ARMH3: variants seen among roughly 807,000 people sequenced by gnomAD.
ARMH3 encodes armadillo-like helical domain-containing protein 3.
ARMH3 carries 60 observed loss-of-function variants against 99.1 expected under a neutral mutation model. The observed-to-expected ratio is 0.61, with a 90% confidence interval of 0.49 to 0.75. ARMH3 has a LOEUF of 0.75. ARMH3 is among the 30% of genes least tolerant of loss of function. The pLI is 0.00. For missense variants in ARMH3, 679 were observed against 843.1 expected (o/e 0.81, Z 2.41); for synonymous variants, 285 against 292.8 (o/e 0.97, Z 0.27).
intron 23 of ARMH3, among the ~76,000 whole-genome samples, chr10:101,903,413 G>T (rs1034141624): frequency 6.6e-6 from 1 of 152,136 alleles, no homozygotes; most frequent in Non-Finnish European, 1.5e-5. Context: ...AGACACACAC[G>T]ACAGACAGAT....
chr10:102,033,531 G>C, intron 2 of ARMH3, 192 bp from the exon 3 acceptor site: 1 of 548,178 alleles, frequency 1.8e-6, no homozygotes, highest in East Asian at 3.2e-5. Context: ...CCATTCCCCC[G>C]CCTCAGCCTC....
chr10:101,846,348 AG>A lies in ARMH3; in HGVS notation c.*1179del, dbSNP rs1177011631. ...TGGAGGGGAGCTCAGCAGAGGCAGGAGAGGCTGCCAGAGGAGGGGGGGCTAA... is the reference window on the plus strand; with the variant it reads ...TGGAGGGGAGCTCAGCAGAGGCAGGAAGGCTGCCAGAGGAGGGGGGGCTAA... On this transcript the variant is annotated 3_prime_UTR_variant, in exon 26 of 26. Transcript: ENST00000370033. 1 of 143,056 alleles carries A rather than the reference AG, an allele frequency of 7.0e-6. No homozygotes were observed. Among genetic ancestry groups the A allele is most frequent in the African/African-American group, 2.6e-5 (1 of 37,764 alleles). The allele number at this position is 143,056 out of a possible 1,614,324, so 8.9% of individuals were successfully genotyped here.
intron 1 of ARMH3, among the ~76,000 whole-genome samples, chr10:102,052,427 T>C (rs936757514): frequency 4.6e-5 from 7 of 152,166 alleles, no homozygotes; most frequent in African/African-American, 1.7e-4. Flanking sequence ...TTTTGCTATC[T>C]TGCCCAGGCT....
intron 20 of ARMH3, among the ~76,000 whole-genome samples, chr10:101,965,483 A>G (rs138211436): frequency 6.6e-6 from 1 of 152,212 alleles, no homozygotes; most frequent in Non-Finnish European, 1.5e-5. Flanking sequence ...CAATCTTCAA[A>G]ATAATCACCA....
At chr10:101,871,565 AGAG>A (rs893177563) in intron 24 of ARMH3, among the ~76,000 whole-genome samples, 1 of 152,208 alleles carries the variant, frequency 6.6e-6, no homozygotes, top group African/African-American at 2.4e-5. Flanking sequence ...CAATGGAGAA[AGAG>A]TAGTCTTTTC....
At chr10:101,897,584 TTTTG>T (rs2135481586) in intron 23 of ARMH3, among the ~76,000 whole-genome samples, 1 of 152,058 alleles carries the variant, frequency 6.6e-6, no homozygotes, top group East Asian at 1.9e-4. Context: ...TAAGCCTAGG[TTTTG>T]TTTGTGTGTT....
intron 1 of ARMH3, among the ~76,000 whole-genome samples, chr10:102,045,854 G>A (rs1332166569): frequency 6.6e-6 from 1 of 152,084 alleles, no homozygotes; most frequent in South Asian, 2.1e-4. Context: ...CAGCACTTTG[G>A]GAGGCCGAGG....
intron 24 of ARMH3, among the ~76,000 whole-genome samples, chr10:101,862,779 G>A (rs750867189): frequency 1.3e-5 from 2 of 151,872 alleles, no homozygotes; most frequent in Admixed American, 6.6e-5. Flanking sequence ...TGGGAAAAAC[G>A]GGGGAAAGCA....
chr10:101,886,021 C>T (rs1468568009), intron 24 of ARMH3, among the ~76,000 whole-genome samples: 6 of 150,056 alleles, frequency 4.0e-5, no homozygotes, highest in Non-Finnish European at 8.9e-5. Flanking sequence ...CGCGCCATTG[C>T]ACTCCAGCCT....
chr10:101,927,415 T>A (rs1296013108), intron 23 of ARMH3, among the ~76,000 whole-genome samples: 3 of 152,174 alleles, frequency 2.0e-5, no homozygotes, highest in Non-Finnish European at 1.5e-5. Context: ...GCTATAATAT[T>A]CTGCAGCAAA....
intron 24 of ARMH3, among the ~76,000 whole-genome samples, chr10:101,855,996 G>A (rs2066730211): frequency 6.6e-6 from 1 of 151,962 alleles, no homozygotes; most frequent in Admixed American, 6.6e-5. Flanking sequence ...AGTGCAGGCT[G>A]GTCTAACCTG....
intron 1 of ARMH3, among the ~76,000 whole-genome samples, chr10:102,050,957 T>G (rs1464975143): frequency 2.0e-5 from 3 of 150,124 alleles, no homozygotes; most frequent in Admixed American, 6.7e-5. Flanking sequence ...AATTCAAGGC[T>G]GTCCTGGCCA....
intron 15 of ARMH3, 64 bp from the exon 16 acceptor site, chr10:101,995,419 A>C: frequency 7.4e-7 from 1 of 1,345,764 alleles, no homozygotes; most frequent in South Asian, 1.2e-5. Flanking sequence ...GTTTCAATAC[A>C]GAACAAGGAC....
chr10:101,847,374 G>T lies in ARMH3; in HGVS notation c.*154C>A. The T allele has an allele frequency of 1.4e-6, 1 of 717,390 alleles. No individual in the cohort carries two copies. Among genetic ancestry groups the T allele is most frequent in the South Asian group, 1.7e-5 (1 of 57,978 alleles). The allele number at this position is 717,390 out of a possible 1,614,324, so 44.4% of individuals were successfully genotyped here. A position where few individuals can be genotyped will look rare whatever the true frequency, so the allele number is the denominator to read the frequency against. On this transcript the variant is annotated 3_prime_UTR_variant, in exon 26 of 26. Transcript: ENST00000370033. ...CTGGCTTGACCCTCCTGCCCCTGCTGCCCAAGCTCCATTGAAGTGCGGTCT... is the reference window on the plus strand; with the variant it reads ...CTGGCTTGACCCTCCTGCCCCTGCTTCCCAAGCTCCATTGAAGTGCGGTCT...
Position 102,006,433 on chromosome 10 carries a change from T to C in ARMH3, c.1048+107A>G, listed in dbSNP as rs2066489352. On this transcript the variant is annotated intron_variant, in intron 14 of 25. Transcript: ENST00000370033. ...AGGATAGTACTACAGACCAATTTAGTGGGAAAAATTAACAACTACGTAGGT... is the reference window on the plus strand; with the variant it reads ...AGGATAGTACTACAGACCAATTTAGCGGGAAAAATTAACAACTACGTAGGT... 3.9e-6 allele frequency: 5 copies of C among 1,271,514 alleles called. No individual in the cohort carries two copies. The Admixed American group carries it at 7.8e-5, about 20-fold the overall frequency. 78.8% of individuals were successfully genotyped at this position (1,271,514 alleles called of 1,614,324 possible).
chr10:101,872,512 T>A (rs1212573441), intron 24 of ARMH3, among the ~76,000 whole-genome samples: 1 of 149,082 alleles, frequency 6.7e-6, no homozygotes, highest in Non-Finnish European at 1.5e-5. Context: ...GCCTGACCAA[T>A]ATGGTGAAAA....
In ARMH3 at chr10:102,015,617, T is replaced by G. The variant is rs181887883; in HGVS notation, c.670-1593A>C. On this transcript the variant is annotated intron_variant, in intron 8 of 25. Transcript: ENST00000370033. ...GTTGGTCAGGCTGGTCTCAAACTCC[T>G]GACCTCAGGTGGTCCGCCTGTCTCG... Among the ~76,000 whole-genome samples, 580 of 152,338 alleles carry G rather than the reference T, an allele frequency of 3.8e-3. 1 individual carries two copies. The highest frequency in any genetic ancestry group is 0.017 in the Middle Eastern group (5 of 292).
intron 23 of ARMH3, among the ~76,000 whole-genome samples, chr10:101,935,222 C>T (rs1191033984): frequency 1.6e-5 from 2 of 125,248 alleles, no homozygotes; most frequent in Non-Finnish European, 3.4e-5. Context: ...AGCAAAGCAA[C>T]GACACAACTC....
At chr10:101,912,431 A>C (rs1013875342) in intron 23 of ARMH3, among the ~76,000 whole-genome samples, 5 of 151,812 alleles carry the variant, frequency 3.3e-5, no homozygotes, top group Non-Finnish European at 5.9e-5. Flanking sequence ...CACAAGAATA[A>C]TAAACTGAAA....
Sources: allele counts gnomAD v4.1 joint callset (sites outside exome capture counted in the v4.1 genomes callset), GRCh38; gene constraint gnomAD v4.1.1; transcripts MANE v1.5; gene names NCBI Gene and HGNC (gene_info 2026-07-23, HGNC 2026-07-21).